The following EGFR variants were observed in gnomAD, a reference collection of about 807,000 sequenced individuals.
EGFR encodes the protein avian erythroblastic leukemia viral (v-erb-b) oncogene homolog.
A neutral mutation model predicts 143.0 loss-of-function variants in EGFR; 58 were observed. The ratio of observed to expected loss-of-function variants is 0.41; its 90% CI spans 0.33 to 0.50. The LOEUF is 0.50. EGFR is among the 20% of genes least tolerant of loss of function. The probability of loss-of-function intolerance (pLI) is 0.39; values close to 1 mark genes in which losing one functional copy is unlikely to be tolerated. For synonymous variants in EGFR, 613 were observed against 594.4 expected (o/e 1.03, Z -0.45); for missense variants, 1,307 against 1,579.0 (o/e 0.83, Z 2.92).
intron 1 of EGFR, among the ~76,000 whole-genome samples, chr7:55,087,070 C>T (rs1024182941): frequency 6.6e-6 from 1 of 152,040 alleles, no homozygotes; most frequent in African/African-American, 2.4e-5. Flanking sequence ...ACTACTTCCA[C>T]TGCCCACTTG....
intron 1 of EGFR, among the ~76,000 whole-genome samples, chr7:55,079,603 TGTTC>T (rs1464372385): frequency 6.8e-6 from 1 of 146,444 alleles, no homozygotes; most frequent in East Asian, 2.4e-4. Context: ...TTTGTTTGTT[TGTTC>T]GTTTTCAAAA....
chr7:55,089,716 G>A (rs907679682), intron 1 of EGFR, among the ~76,000 whole-genome samples: 1 of 152,202 alleles, frequency 6.6e-6, no homozygotes, highest in East Asian at 1.9e-4. Context: ...TTCCATTGTG[G>A]TTTGTCTGAA....
At chr7:55,139,295 C>T (rs947647769) in intron 1 of EGFR, among the ~76,000 whole-genome samples, 2 of 152,290 alleles carry the variant, frequency 1.3e-5, no homozygotes, top group East Asian at 1.9e-4. Context: ...TTGCTCTTTG[C>T]AGTTTTGTCT....
At position 55,041,070 on chromosome 7, in the gene EGFR, T is replaced by C. The variant is rs552930975; in HGVS notation, c.88+21705T>C. ...AATCTGTGTGTCTCCTGTAAATAAG[T>C]GCATTAGCAGTACACAGGTGGTGTC... On this transcript the variant is annotated intron_variant, in intron 1 of 27. Transcript: ENST00000275493. Among the ~76,000 whole-genome samples, 15 of 152,280 alleles carry C rather than the reference T, an allele frequency of 9.9e-5. No individual in the cohort carries two copies. The East Asian group carries it at 2.9e-3, about 29-fold the overall frequency.
At chr7:55,073,045 C>A (rs909020436) in intron 1 of EGFR, among the ~76,000 whole-genome samples, 1 of 152,224 alleles carries the variant, frequency 6.6e-6, no homozygotes, top group African/African-American at 2.4e-5. Flanking sequence ...GGAGGCTGAG[C>A]TTTTGGCTAA....
At chr7:55,054,146 C>T (rs1419291790) in intron 1 of EGFR, among the ~76,000 whole-genome samples, 2 of 152,168 alleles carry the variant, frequency 1.3e-5, no homozygotes, top group Non-Finnish European at 2.9e-5. Flanking sequence ...GCCCCAGGCT[C>T]CCCACCCGCC....
At chr7:55,063,010 G>A (rs1422398313) in intron 1 of EGFR, among the ~76,000 whole-genome samples, 1 of 152,118 alleles carries the variant, frequency 6.6e-6, no homozygotes, top group African/African-American at 2.4e-5. Context: ...ATCAGAGATG[G>A]AGAGTCTTTC....
intron 20 of EGFR, 38 bp from the exon 21 acceptor site, chr7:55,191,681 A>G: frequency 6.2e-7 from 1 of 1,612,646 alleles, no homozygotes; most frequent in Non-Finnish European, 8.5e-7. Context: ...TCTTCCCATG[A>G]TGATCTGTCC....
At chr7:55,146,316 C>A (rs973584537) in intron 3 of EGFR, among the ~76,000 whole-genome samples, 3 of 152,124 alleles carry the variant, frequency 2.0e-5, no homozygotes, top group African/African-American at 7.2e-5. Flanking sequence ...ACATGCATAT[C>A]ATTTATGCTG....
intron 1 of EGFR, among the ~76,000 whole-genome samples, chr7:55,130,137 G>A (rs924167389): frequency 3.3e-5 from 5 of 152,156 alleles, no homozygotes; most frequent in Non-Finnish European, 7.3e-5. Flanking sequence ...GACATGGCAA[G>A]CGCTGCTTCA....
intron 1 of EGFR, among the ~76,000 whole-genome samples, chr7:55,071,698 T>C (rs1239942645): frequency 6.6e-6 from 1 of 152,270 alleles, no homozygotes; most frequent in East Asian, 1.9e-4. Context: ...AAGATATTTT[T>C]CTGCTTATAT....
At position 55,121,776 on chromosome 7, in the gene EGFR, G is replaced by A. The variant is rs772686028; in HGVS notation, c.89-20510G>A. Among the ~76,000 whole-genome samples the A allele has an allele frequency of 4.3e-4, 66 of 152,284 alleles. 1 individual carries two copies. The highest frequency in any genetic ancestry group is 1.4e-3 in the African/African-American group (60 of 41,558). ...AGAAGAACTTCCTCTTACTAGAATC[G>A]AAAAGCATTTAAGTGATGCAGTCAA... On this transcript the variant is annotated intron_variant, in intron 1 of 27. Coordinates refer to ENST00000275493, the MANE Select transcript of EGFR (RefSeq NM_005228.5).
intron 1 of EGFR, among the ~76,000 whole-genome samples, chr7:55,095,624 AAC>A (rs1791414322): frequency 6.6e-6 from 1 of 152,132 alleles, no homozygotes; most frequent in Admixed American, 6.5e-5. Context: ...CACAGATACA[AAC>A]ACATACACAC....
chr7:55,164,689 T>C (rs1269784537), intron 14 of EGFR, among the ~76,000 whole-genome samples: 2 of 152,240 alleles, frequency 1.3e-5, no homozygotes, highest in Non-Finnish European at 2.9e-5. Context: ...GTTTTATTTC[T>C]GCTACTTCTG....
chr7:55,178,046 C>T (rs942796133), intron 19 of EGFR, among the ~76,000 whole-genome samples: 2 of 152,256 alleles, frequency 1.3e-5, no homozygotes, highest in Admixed American at 6.5e-5. Context: ...TCTGTGTGGC[C>T]GACACCCACG....
chr7:55,059,201 A>C (rs1232836020), intron 1 of EGFR, among the ~76,000 whole-genome samples: 1 of 152,276 alleles, frequency 6.6e-6, no homozygotes, highest in Non-Finnish European at 1.5e-5. Context: ...AGCAGATCTT[A>C]GATCTCTGTT....
chr7:55,091,700 T>C (rs1412238551), intron 1 of EGFR, among the ~76,000 whole-genome samples: 3 of 151,888 alleles, frequency 2.0e-5, no homozygotes, highest in African/African-American at 4.8e-5. Flanking sequence ...GGCCCAGGAG[T>C]AGCACTTAAA....
chr7:55,152,568 G>A lies in EGFR; in HGVS notation c.651G>A (p.Gln217=), dbSNP rs2128933689. The A allele has an allele frequency of 6.2e-7, 1 of 1,613,998 alleles. No individual in the cohort carries two copies. The highest frequency in any genetic ancestry group is 8.5e-7 in the Non-Finnish European group (1 of 1,180,040). Residue 217 remains glutamine (Q), a synonymous_variant, in exon 6 of 28, where the codon CAG becomes CAA. Transcript: ENST00000275493. ...CAGTGACCAAAATCATCTGTGCCCAGCAGTGCTCCGGGCGCTGCCGTGGCA... is the reference window on the plus strand; with the variant it reads ...CAGTGACCAAAATCATCTGTGCCCAACAGTGCTCCGGGCGCTGCCGTGGCA... ...CQKLTKIICA[Q]QCSGRCRGKS... is the part of the protein sequence containing the mutation.
Position 55,154,093 on chromosome 7 carries a change from T to C in EGFR, c.830T>C (p.Met277Thr), listed in dbSNP as rs1215369904. ...LMLYNPTTYQ[M>T]DVNPEGKYSF... Reference sequence around the variant, plus strand: ...CTCTACAACCCCACCACGTACCAGATGGATGTGAACCCCGAGGGCAAATAC... The same window carrying C: ...CTCTACAACCCCACCACGTACCAGACGGATGTGAACCCCGAGGGCAAATAC... The change falls in exon 7 of 28, where the codon ATG (methionine) becomes ACG (threonine). Residue 277 changes from methionine (M) to threonine (T), a missense_variant. By Grantham distance (81) the Met-to-Thr change is moderately conservative. This residue lies in a region of EGFR where 311 missense variants were observed against 412.3 expected (regional missense o/e 0.75). Transcript: ENST00000275493. 1.2e-6 allele frequency: 2 copies of C among 1,614,086 alleles called. No individual in the cohort carries two copies. The highest frequency in any genetic ancestry group is 1.7e-6 in the Non-Finnish European group (2 of 1,180,048).
Sources: gnomAD v4.1 joint callset for allele counts (sites outside exome capture counted in the v4.1 genomes callset) on GRCh38, gnomAD v4.1.1 for gene constraint, gnomAD v4.1.1 regional missense constraint, MANE v1.5 for transcripts, NCBI Gene and HGNC (gene_info 2026-07-23, HGNC 2026-07-21) for gene names.